Variants in RERE observed in about 807,000 individuals in gnomAD.
RERE encodes the protein arginine-glutamic acid dipeptide repeats protein.
A neutral mutation model predicts 146.1 loss-of-function variants in RERE; 40 were observed. That is an observed-to-expected ratio of 0.27 (90% confidence interval 0.21 to 0.36). The LOEUF (loss-of-function observed/expected upper bound fraction) is 0.36, where lower values mean the gene tolerates loss of function less well. Among genes scored for constraint, RERE ranks in the 10% least tolerant of loss-of-function variants. The pLI, the probability that RERE is intolerant of heterozygous loss-of-function variation, is 1.00. For synonymous variants in RERE, 1,003 were observed against 866.0 expected (o/e 1.16, Z -2.78); for missense variants, 1,933 against 2,138.7 (o/e 0.90, Z 1.90).
At chr1:8,564,866 G>GTATA (rs1487943240) in intron 4 of RERE, among the ~76,000 whole-genome samples, 3 of 131,476 alleles carry the variant, frequency 2.3e-5, no homozygotes, top group Admixed American at 1.5e-4. Context: ...GTGTGTGTGT[G>GTATA]TGTGTATATA....
chr1:8,457,773 G>A (rs531881711), intron 11 of RERE, among the ~76,000 whole-genome samples: 1 of 152,128 alleles, frequency 6.6e-6, no homozygotes, highest in African/African-American at 2.4e-5. Context: ...GCTAATTTTT[G>A]TATTTTTAGT....
chr1:8,575,125 G>A (rs1646274685), intron 4 of RERE, among the ~76,000 whole-genome samples: 2 of 152,142 alleles, frequency 1.3e-5, no homozygotes, highest in Admixed American at 6.5e-5. Context: ...GTAAGAAAGT[G>A]CTCAAAGAAT....
chr1:8,359,427 C>T (rs1211811459), intron 19 of RERE, among the ~76,000 whole-genome samples: 1 of 152,194 alleles, frequency 6.6e-6, no homozygotes, highest in Non-Finnish European at 1.5e-5. Flanking sequence ...CTCAAGGCGC[C>T]CCCTTGTGCT....
At chr1:8,449,513 AAACTT>A (rs1644365896) in intron 11 of RERE, among the ~76,000 whole-genome samples, 1 of 152,206 alleles carries the variant, frequency 6.6e-6, no homozygotes, top group African/African-American at 2.4e-5. Context: ...TGTCATGAAA[AAACTT>A]CAAAGAATCT....
intron 1 of RERE, among the ~76,000 whole-genome samples, chr1:8,734,926 T>C (rs977524518): frequency 6.6e-6 from 1 of 152,202 alleles, no homozygotes; most frequent in Non-Finnish European, 1.5e-5. Flanking sequence ...CCCTTTTACT[T>C]ACCGCATCCC....
intron 1 of RERE, among the ~76,000 whole-genome samples, chr1:8,715,591 A>G (rs1639749325): frequency 6.6e-6 from 1 of 151,692 alleles, no homozygotes; most frequent in Non-Finnish European, 1.5e-5. Context: ...GAAGAGGAAG[A>G]GGAGAAAGTA....
intron 11 of RERE, among the ~76,000 whole-genome samples, chr1:8,427,637 T>TA (rs33996085): frequency 0.35 from 40,748 of 116,254 alleles, 7,283 homozygotes; most frequent in Non-Finnish European, 0.38. Flanking sequence ...GGCCCCACTT[T>TA]AAAAAAAAAA....
intron 12 of RERE, among the ~76,000 whole-genome samples, chr1:8,413,087 G>A (rs1643657247): frequency 6.6e-6 from 1 of 152,148 alleles, no homozygotes; most frequent in Non-Finnish European, 1.5e-5. Context: ...TGATTACAAT[G>A]TATTTCGAAC....
intron 1 of RERE, among the ~76,000 whole-genome samples, chr1:8,731,778 TTTTTTG>T (rs1360322035): frequency 2.0e-5 from 1 of 49,112 alleles, no homozygotes; most frequent in Admixed American, 2.4e-4. Context: ...AACATAATGT[TTTTTTG>T]TTTGTTTGTT....
intron 1 of RERE, among the ~76,000 whole-genome samples, chr1:8,664,024 T>C (rs1423911386): frequency 1.3e-5 from 2 of 152,160 alleles, no homozygotes; most frequent in Non-Finnish European, 2.9e-5. Context: ...TGGCCCTCAT[T>C]GATCCCACTA....
intron 10 of RERE, among the ~76,000 whole-genome samples, chr1:8,489,855 C>G (rs1052369372): frequency 5.9e-5 from 9 of 151,304 alleles, no homozygotes; most frequent in Non-Finnish European, 2.9e-5. Context: ...TCGAGATCAT[C>G]CTGGCTAACA....
chr1:8,728,702 A>G (rs1640021328), intron 1 of RERE, among the ~76,000 whole-genome samples: 2 of 152,228 alleles, frequency 1.3e-5, no homozygotes, highest in African/African-American at 4.8e-5. Context: ...GCTATGCTCC[A>G]TACCCAGATA....
intron 1 of RERE, among the ~76,000 whole-genome samples, chr1:8,815,829 T>TTGTGTGTGTGTGTGTG (rs539845789): frequency 2.0e-3 from 299 of 149,954 alleles, no homozygotes; most frequent in Middle Eastern, 0.014. Context: ...CAGCTTGGTA[T>TTGTGTGTGTGTGTGTG]TGTGTGTGTG....
At chr1:8,494,008 CAAAGAACGA>C (rs1265204820) in intron 10 of RERE, among the ~76,000 whole-genome samples, 1 of 152,112 alleles carries the variant, frequency 6.6e-6, no homozygotes, top group African/African-American at 2.4e-5. Context: ...CAACAACAAA[CAAAGAACGA>C]AAGACAACTG....
chr1:8,572,054 T>C (rs1646228086), intron 4 of RERE, among the ~76,000 whole-genome samples: 1 of 152,244 alleles, frequency 6.6e-6, no homozygotes, highest in Non-Finnish European at 1.5e-5. Flanking sequence ...CTTTAAAATC[T>C]CTTGTCATCT....
At chr1:8,373,644 T>C (rs2124393635) in intron 12 of RERE, among the ~76,000 whole-genome samples, 1 of 152,314 alleles carries the variant, frequency 6.6e-6, no homozygotes, top group African/African-American at 2.4e-5. Flanking sequence ...CATGCGACGC[T>C]GTCCCCTGAA....
chr1:8,653,149 A>C (rs1416347133), intron 2 of RERE, among the ~76,000 whole-genome samples: 1 of 152,210 alleles, frequency 6.6e-6, no homozygotes, highest in Non-Finnish European at 1.5e-5. Context: ...GGAGTCACTA[A>C]TTCTGACTCT....
At position 8,364,872 on chromosome 1, in the gene RERE, A is replaced by G. The variant is rs1443108342; in HGVS notation, c.1448-34T>C. The G allele has an allele frequency of 5.1e-6, 5 of 982,208 alleles. No individual in the cohort carries two copies. The South Asian group carries it at 5.4e-5, about 11-fold the overall frequency. The allele number at this position is 982,208 out of a possible 1,614,324, so 60.8% of individuals were successfully genotyped here. On this transcript the variant is annotated intron_variant, in intron 13 of 22. Transcript: ENST00000400908. The surrounding 1 kb of genome is among the most constrained non-coding windows in gnomAD (Gnocchi z 5.1). ...GGCAGGCACATAGTGGGGGTGGGGGAGACACCATCATGCTCAGCCAAGGCT... is the reference window on the plus strand; with the variant it reads ...GGCAGGCACATAGTGGGGGTGGGGGGGACACCATCATGCTCAGCCAAGGCT...
intron 1 of RERE, among the ~76,000 whole-genome samples, chr1:8,742,922 T>C (rs1252309812): frequency 6.6e-6 from 1 of 151,886 alleles, no homozygotes; most frequent in Non-Finnish European, 1.5e-5. Context: ...TTTGTTGTTA[T>C]TGCTTATTTA....
Sources: allele counts gnomAD v4.1 joint callset (sites outside exome capture counted in the v4.1 genomes callset), GRCh38; gene constraint gnomAD v4.1.1; non-coding constraint Gnocchi (gnomAD v3.1); transcripts MANE v1.5; gene names NCBI Gene and HGNC (gene_info 2026-07-23, HGNC 2026-07-21).